The following TFEB variants were observed in gnomAD, a reference collection of about 807,000 sequenced individuals.
TFEB encodes T-cell transcription factor EB.
Under a neutral mutation model 48.0 loss-of-function variants are expected in TFEB, and 12 were observed. The observed-to-expected ratio is 0.25, with a 90% CI of 0.16 to 0.40. TFEB has a LOEUF of 0.40. Ranked by LOEUF, TFEB falls within the 10% of genes least tolerant of loss-of-function variation. The pLI is 1.00. For synonymous variants in TFEB, 244 were observed against 261.4 expected, an observed-to-expected ratio of 0.93 and a Z score of 0.64; for missense variants, 509 against 640.3, an observed-to-expected ratio of 0.79 and a Z score of 2.21.
At chr6:41,706,528 C>T (rs935553932) in intron 1 of TFEB, among the ~76,000 whole-genome samples, 3 of 151,774 alleles carry the variant, frequency 2.0e-5, no homozygotes, top group South Asian at 2.1e-4. Flanking sequence ...CCCATCCTGC[C>T]CAAGAGTTGG....
chr6:41,718,322 C>T (rs1019345931), intron 1 of TFEB, among the ~76,000 whole-genome samples: 2 of 152,078 alleles, frequency 1.3e-5, no homozygotes, highest in African/African-American at 4.8e-5. Context: ...GATCGTCCCA[C>T]CTCAGCCTCT....
At position 41,730,557 on chromosome 6, in the gene TFEB, C is replaced by G. The variant is rs764218410; in HGVS notation, c.-23+4793G>C. Among the ~76,000 whole-genome samples, 1 of 152,186 alleles carries G rather than the reference C, an allele frequency of 6.6e-6. No homozygotes were observed. The highest frequency in any genetic ancestry group is 1.5e-5 in the Non-Finnish European group (1 of 68,038). ...CTCATTTTTCCTCCTTAAGCCCACA[C>G]TTAAGAGCCAGGAAGGAAAGCTGGT... is the stretch of plus-strand genomic sequence containing the variant. On this transcript the variant is annotated intron_variant, in intron 1 of 8. Transcript: ENST00000373033. This position sits in a 1 kb window ranked among gnomAD's most constrained non-coding sequence, Gnocchi z 4.1.
At position 41,723,475 on chromosome 6, in the gene TFEB, C is replaced by A; in HGVS notation, c.-23+11875G>T. On this transcript the variant is annotated intron_variant, in intron 1 of 8. Transcript: ENST00000373033. This position sits in a 1 kb window ranked among gnomAD's most constrained non-coding sequence, Gnocchi z 6.0. ...TGCTCTCATACCTTCGAGAGGGCAG[C>A]CCCCTGGAAGGAGGCCCCTGGAATG... is the stretch of plus-strand genomic sequence containing the variant. The A allele has an allele frequency of 7.8e-7, 1 of 1,289,332 alleles. No homozygotes were observed. Among genetic ancestry groups the A allele is most frequent in the Non-Finnish European group, 1.0e-6 (1 of 988,622 alleles). The allele number at this position is 1,289,332 out of a possible 1,614,324, so 79.9% of individuals were successfully genotyped here.
At chr6:41,725,809 T>C (rs921476923) in intron 1 of TFEB, among the ~76,000 whole-genome samples, 1 of 152,232 alleles carries the variant, frequency 6.6e-6, no homozygotes, top group South Asian at 2.1e-4. Context: ...GGATGAGACA[T>C]GTTACACACT....
rs904578579 is a variant in TFEB at position 41,723,693 on chromosome 6, G to A, written c.-23+11657C>T. 17 of 451,040 alleles carry A rather than the reference G, an allele frequency of 3.8e-5. No homozygotes were observed. Among genetic ancestry groups the A allele is most frequent in the African/African-American group, 8.2e-5 (4 of 48,646 alleles). 27.9% of individuals were successfully genotyped at this position (451,040 alleles called of 1,614,324 possible). A position where few individuals can be genotyped will look rare whatever the true frequency, so the allele number is the denominator to read the frequency against. ...CACAGCACAGAGGGAACTGCGCCCC[G>A]ACGGCACAGTCCCACACCGCAGCCT... On this transcript the variant is annotated intron_variant, in intron 1 of 8. Transcript: ENST00000373033. The surrounding 1 kb of genome is among the most constrained non-coding windows in gnomAD (Gnocchi z 6.0).
chr6:41,707,107 G>A (rs1222237077), intron 1 of TFEB, among the ~76,000 whole-genome samples: 1 of 152,122 alleles, frequency 6.6e-6, no homozygotes, highest in East Asian at 1.9e-4. Flanking sequence ...TTGAGACTCA[G>A]GCAGCAGCTG....
chr6:41,684,676 A>G lies in TFEB; in HGVS notation c.1354T>C (p.Ser452Pro), dbSNP rs1581865394. The G allele has an allele frequency of 1.2e-6, 2 of 1,613,250 alleles. No homozygotes were observed. Among genetic ancestry groups the G allele is most frequent in the East Asian group, 4.5e-5 (2 of 44,828 alleles). ...LLPLASDPLL[S>P]TMSPEASKAS... ...TTGGAGGCCTCGGGGGACATGGTGG[A>G]CAGAAGTGGATCAGAGGCCAGCGGT... Residue 452 changes from serine (S) to proline (P), a missense_variant, in exon 9 of 9, where the codon TCC becomes CCC. By Grantham distance (74) the Ser-to-Pro change is moderately conservative. Around this residue, in one of 4 missense-constraint regions of TFEB, gnomAD observed 168 missense variants for 161.0 expected, o/e 1.04. Transcript: ENST00000373033.
intron 1 of TFEB, among the ~76,000 whole-genome samples, chr6:41,712,223 G>A (rs754032881): frequency 6.6e-6 from 1 of 152,150 alleles, no homozygotes; most frequent in South Asian, 2.1e-4. Flanking sequence ...CAAGCACACA[G>A]GACTCCAAAT....
chr6:41,725,026 T>C (rs1771145455), intron 1 of TFEB, among the ~76,000 whole-genome samples: 1 of 152,234 alleles, frequency 6.6e-6, no homozygotes, highest in South Asian at 2.1e-4. Context: ...ATCTCCCCCA[T>C]CCTGACAAGA....
At chr6:41,710,266 C>G (rs919282322) in intron 1 of TFEB, among the ~76,000 whole-genome samples, 1 of 152,198 alleles carries the variant, frequency 6.6e-6, no homozygotes, top group African/African-American at 2.4e-5. Context: ...GGCTCAGTTG[C>G]CTTCATACCA....
chr6:41,706,000 G>A (rs1368772860), intron 1 of TFEB: 1 of 152,312 alleles, frequency 6.6e-6, no homozygotes, highest in East Asian at 1.9e-4. Context: ...GGGGAGAGTG[G>A]GTGCCAGGCC....
intron 1 of TFEB, among the ~76,000 whole-genome samples, chr6:41,711,998 C>T (rs1279244940): frequency 1.3e-5 from 2 of 152,182 alleles, no homozygotes. Context: ...AAGGGGGCTT[C>T]GCACAGCCTA....
chr6:41,714,167 ATGTGTGCG>A lies in TFEB; in HGVS notation c.-23+21175_-23+21182del, dbSNP rs1770620801. 2.9e-5 allele frequency among the ~76,000 whole-genome samples: 4 copies of A among 137,600 alleles called. No individual in the cohort carries two copies. The East Asian group carries it at 6.3e-4, about 22-fold the overall frequency. The allele number at this position is 137,600 out of a possible 152,430, so 90.3% of individuals were successfully genotyped here. ...TGTGTGTGCATGTGCATGCGTGTGC[ATGTGTGCG>A]TGTGTGTGCATGTGCATGCATGTGC... On this transcript the variant is annotated intron_variant, in intron 1 of 8. Coordinates refer to ENST00000373033, the MANE Select transcript of TFEB (RefSeq NM_001271944.2).
intron 1 of TFEB, among the ~76,000 whole-genome samples, chr6:41,700,644 G>A (rs796100174): frequency 2.4e-4 from 37 of 152,286 alleles, no homozygotes; most frequent in African/African-American, 8.2e-4. Flanking sequence ...CTGCAGGGCT[G>A]GGGGCAGGGG....
At chr6:41,694,724 T>TCCCACCATCTGGCCCTTCAGA (rs1295910545) in intron 1 of TFEB, among the ~76,000 whole-genome samples, 3 of 152,030 alleles carry the variant, frequency 2.0e-5, no homozygotes, top group Non-Finnish European at 4.4e-5. Context: ...CCCTGGCCCC[T>TCCCACCATCTGGCCCTTCAGA]CCCACCATCT....
At position 41,684,992 on chromosome 6, in the gene TFEB, C is replaced by T; in HGVS notation, c.1038G>A (p.Val346=). Residue 346 remains valine, a synonymous_variant, in exon 9 of 9, where the codon GTG becomes GTA. Transcript: ENST00000373033. The stretch of plus-strand genomic sequence containing the variant: ...CCTCTTCGCTAGGCAGCTCCTGCTT[C>T]ACCACCTGCTGGGCCAGCTCAGCCA... The part of the protein sequence containing the change: ...MNMAELAQQV[V]KQELPSEEGP... 1 of 1,565,122 alleles carries T rather than the reference C, an allele frequency of 6.4e-7. No homozygotes were observed.
intron 1 of TFEB, among the ~76,000 whole-genome samples, chr6:41,693,480 C>G (rs1053340100): frequency 6.6e-6 from 1 of 152,146 alleles, no homozygotes; most frequent in Non-Finnish European, 1.5e-5. Context: ...AGCATGGCCT[C>G]TGAGCCCATG....
Position 41,686,148 on chromosome 6 carries a change from A to T in TFEB, c.893T>A (p.Leu298Gln). Residue 298 changes from leucine to glutamine, a missense_variant, in exon 8 of 9, where the codon CTG becomes CAG. By Grantham distance (113) the Leu-to-Gln change is moderately radical. Around this residue, in one of 4 missense-constraint regions of TFEB, gnomAD observed 62 missense variants for 90.2 expected, o/e 0.69. Coordinates refer to ENST00000373033, the MANE Select transcript of TFEB (RefSeq NM_001271944.2). ...MQKDLQKSRE[L>Q]ENHSRRLEMT... is the part of the protein sequence containing the mutation. ...CTCCAGGCGGCGAGAGTGGTTCTCC[A>T]GCTCCCTGGACTTTTGCAGGTCCTT... 6.2e-7 allele frequency: 1 copy of T among 1,614,248 alleles called. No homozygotes were observed. The highest frequency in any genetic ancestry group is 8.5e-7 in the Non-Finnish European group (1 of 1,180,046).
intron 1 of TFEB, among the ~76,000 whole-genome samples, chr6:41,728,212 C>T (rs775201104): frequency 6.6e-6 from 1 of 152,248 alleles, no homozygotes; most frequent in African/African-American, 2.4e-5. Flanking sequence ...CGGCACCTTG[C>T]GGGAGAAGCT....
Sources: gnomAD v4.1 joint callset for allele counts (sites outside exome capture counted in the v4.1 genomes callset) on GRCh38, gnomAD v4.1.1 for gene constraint, gnomAD v4.1.1 regional missense constraint, Gnocchi (gnomAD v3.1) non-coding constraint, MANE v1.5 for transcripts, NCBI Gene and HGNC (gene_info 2026-07-23, HGNC 2026-07-21) for gene names.